Variants in ETNK1 observed in about 807,000 individuals in gnomAD.
ETNK1 encodes ethanolamine kinase 1, also known as putative protein product of Nbla10396.
In ETNK1, 8 loss-of-function variants were observed where a neutral mutation model predicts 45.1. The ratio of observed to expected loss-of-function variants is 0.18; its 90% CI spans 0.10 to 0.32. ETNK1 has a LOEUF of 0.32. ETNK1 is among the 10% of genes least tolerant of loss of function. The pLI is 1.00. For missense variants in ETNK1, 302 were observed against 430.6 expected (o/e 0.70, Z 2.64); for synonymous variants, 152 against 151.9 (o/e 1.00, Z -0.01).
intron 2 of ETNK1, among the ~76,000 whole-genome samples, chr12:22,647,822 C>T (rs1283574489): frequency 1.3e-5 from 2 of 151,790 alleles, no homozygotes; most frequent in South Asian, 2.1e-4. Flanking sequence ...TTCTCTGAAG[C>T]CTTGAGGGTT....
chr12:22,671,435 C>T (rs943164947), intron 5 of ETNK1, 80 bp downstream of exon 5: 17 of 918,788 alleles, frequency 1.9e-5, no homozygotes, highest in East Asian at 1.5e-4. Context: ...GTAGATAAAC[C>T]GTGAGCAGGG....
chr12:22,658,724 C>A (rs984778408), intron 2 of ETNK1, among the ~76,000 whole-genome samples: 1 of 152,080 alleles, frequency 6.6e-6, no homozygotes, highest in African/African-American at 2.4e-5. Context: ...TAAGGGGTTT[C>A]TGGGTAAAAC....
Position 22,639,833 on chromosome 12 carries a change from A to G in ETNK1, c.157-3930A>G, listed in dbSNP as rs1374735581. 5.3e-5 allele frequency among the ~76,000 whole-genome samples: 8 copies of G among 152,252 alleles called. No individual in the cohort carries two copies. The East Asian group carries it at 1.5e-3, about 29-fold the overall frequency. On this transcript the variant is annotated intron_variant, in intron 1 of 7. Transcript: ENST00000266517. ...CCTACCATTATAAAATTACCTATCAATCTTTCATCTAATGGTTTTATTCAT... is the reference window on the plus strand; with the variant it reads ...CCTACCATTATAAAATTACCTATCAGTCTTTCATCTAATGGTTTTATTCAT...
At chr12:22,660,398 A>G (rs568466339) in intron 3 of ETNK1, among the ~76,000 whole-genome samples, 49 of 152,264 alleles carry the variant, frequency 3.2e-4, no homozygotes, top group Non-Finnish European at 5.9e-4. Flanking sequence ...TAATACAAGT[A>G]TAGATAATAA....
chr12:22,673,384 C>T, intron 5 of ETNK1, 116 bp from the exon 6 acceptor site: 3 of 670,334 alleles, frequency 4.5e-6, no homozygotes, highest in Non-Finnish European at 7.0e-6. Context: ...TGCAGTATTC[C>T]AGCCAAAATG....
chr12:22,658,616 A>C (rs1233336026), intron 2 of ETNK1, among the ~76,000 whole-genome samples: 1 of 152,100 alleles, frequency 6.6e-6, no homozygotes, highest in African/African-American at 2.4e-5. Context: ...GAGAAGAGAG[A>C]CTGGGCCCAA....
At chr12:22,663,751 T>C (rs1229145725) in intron 4 of ETNK1, among the ~76,000 whole-genome samples, 1 of 152,132 alleles carries the variant, frequency 6.6e-6, no homozygotes, top group African/African-American at 2.4e-5. Context: ...TTTTGATACA[T>C]TTTTTAGAAT....
chr12:22,634,919 C>T (rs1953635135), intron 1 of ETNK1, among the ~76,000 whole-genome samples: 1 of 152,130 alleles, frequency 6.6e-6, no homozygotes, highest in South Asian at 2.1e-4. Context: ...TCATTATTTC[C>T]TTCCTAATCG....
intron 1 of ETNK1, chr12:22,625,892 C>G (rs1234115207): frequency 3.2e-6 from 2 of 634,750 alleles, no homozygotes; most frequent in Non-Finnish European, 5.9e-6. Flanking sequence ...CTCCCCAGTC[C>G]ACGGTCACTG....
intron 1 of ETNK1, among the ~76,000 whole-genome samples, chr12:22,638,106 C>T (rs1286405864): frequency 6.6e-6 from 1 of 152,028 alleles, no homozygotes; most frequent in Non-Finnish European, 1.5e-5. Flanking sequence ...ACAAAATTCT[C>T]TTGCAAGAAA....
At chr12:22,661,005 T>C in intron 3 of ETNK1, 58 bp from the exon 4 acceptor site, 1 of 1,481,128 alleles carries the variant, frequency 6.8e-7, no homozygotes, top group Non-Finnish European at 9.2e-7. Context: ...ATTTTAATCC[T>C]TAATCAAACT....
intron 2 of ETNK1, chr12:22,656,781 T>C (rs1179846642): frequency 1.0e-6 from 1 of 982,974 alleles, no homozygotes; most frequent in Admixed American, 6.2e-5. Flanking sequence ...TTTTCATTTA[T>C]TTAAAAAAAC....
At chr12:22,638,664 T>C (rs1351114232) in intron 1 of ETNK1, 2 of 152,198 alleles carry the variant, frequency 1.3e-5, no homozygotes, top group Admixed American at 6.5e-5. Context: ...GGATTTCTCA[T>C]TGATGCTTTT....
At chr12:22,664,095 G>T (rs574094477) in intron 4 of ETNK1, among the ~76,000 whole-genome samples, 1 of 151,834 alleles carries the variant, frequency 6.6e-6, no homozygotes, top group African/African-American at 2.4e-5. Flanking sequence ...TTAACTATAT[G>T]ACATGTTTGA....
intron 6 of ETNK1, among the ~76,000 whole-genome samples, chr12:22,679,172 G>T (rs564355670): frequency 4.6e-5 from 7 of 152,170 alleles, no homozygotes; most frequent in Non-Finnish European, 5.9e-5. Flanking sequence ...CAGTAGTGGC[G>T]CAGTACAAGT....
At chr12:22,684,348 A>T in intron 6 of ETNK1, 135 bp from the exon 7 acceptor site, 2 of 628,990 alleles carry the variant, frequency 3.2e-6, no homozygotes, top group African/African-American at 1.9e-5. Flanking sequence ...TCTAGGTTTT[A>T]GACGCTTTAT....
At chr12:22,669,811 A>C (rs548742402) in intron 4 of ETNK1, among the ~76,000 whole-genome samples, 21 of 131,636 alleles carry the variant, frequency 1.6e-4, no homozygotes, top group African/African-American at 5.7e-4. Context: ...CTCTACAAAA[A>C]ACAAAAAGAG....
At chr12:22,648,916 T>C (rs1953840428) in intron 2 of ETNK1, among the ~76,000 whole-genome samples, 2 of 152,100 alleles carry the variant, frequency 1.3e-5, no homozygotes, top group African/African-American at 4.8e-5. Context: ...TTGGCCATTC[T>C]AATAGATATA....
chr12:22,671,841 TAAAA>T (rs555930582), intron 5 of ETNK1, among the ~76,000 whole-genome samples: 1 of 98,254 alleles, frequency 1.0e-5, no homozygotes, highest in African/African-American at 4.4e-5. Context: ...TCCATCTCAT[TAAAA>T]AAAAAAAAAA....
Sources: allele counts gnomAD v4.1 joint callset (sites outside exome capture counted in the v4.1 genomes callset), GRCh38; gene constraint gnomAD v4.1.1; transcripts MANE v1.5; gene names NCBI Gene and HGNC (gene_info 2026-07-23, HGNC 2026-07-21).